The following ACACB variants were observed in gnomAD, a reference collection of about 807,000 sequenced individuals.
ACACB encodes the protein acetyl-CoA carboxylase beta.
In ACACB, 209 loss-of-function variants were observed where a neutral mutation model predicts 278.8. The observed-to-expected ratio is 0.75, with a 90% CI of 0.67 to 0.84. ACACB has a LOEUF of 0.84. ACACB is among the 40% of genes least tolerant of loss of function. The pLI is 0.00. For missense variants in ACACB, 2,850 were observed against 3,269.0 expected, an observed-to-expected ratio of 0.87 and a Z score of 3.13; for synonymous variants, 1,174 against 1,285.6, an observed-to-expected ratio of 0.91 and a Z score of 1.86.
rs2043909299 is a variant in ACACB at position 109,166,662 on chromosome 12, A to AAAAAAC, written c.654-194_654-193insCAAAAA. Reference sequence around the variant, plus strand: ...GAGATCCCGTCTCAAAAAAAAAAAAAAAAAAAAAAAAAAAACCGAAGGTGC... The same window carrying AAAAAAC: ...GAGATCCCGTCTCAAAAAAAAAAAAAAAAAACAAAAAAAAAAAAAAACCGAAGGTGC... On this transcript the variant is annotated intron_variant, in intron 2 of 52. Coordinates refer to ENST00000338432, the MANE Select transcript of ACACB (RefSeq NM_001093.4). Among the ~76,000 whole-genome samples the AAAAAAC allele has an allele frequency of 2.1e-5, 3 of 142,858 alleles. 1 individual carries two copies. The highest frequency in any genetic ancestry group is 4.6e-5 in the Non-Finnish European group (3 of 65,352). 93.7% of individuals were successfully genotyped at this position (142,858 alleles called of 152,430 possible).
chr12:109,223,827 T>A lies in ACACB; in HGVS notation c.3805T>A (p.Ser1269Thr), dbSNP rs771075563. ...CPENLKKLIL[S>T]ETTIFDVLPT... is the part of the protein sequence containing the mutation. ...TCATTTCCCTTAGAAATTAATACTT[T>A]CGGAAACAACCATCTTCGACGTCCT... The change falls in exon 27 of 53, where the codon TCG becomes ACG. Residue 1269 changes from serine (S) to threonine (T), a missense_variant. By Grantham distance (58) the Ser-to-Thr change is moderately conservative. Around this residue, in one of 3 missense-constraint regions of ACACB, gnomAD observed 2,265 missense variants for 2,561.3 expected, o/e 0.88. Transcript: ENST00000338432. The A allele has an allele frequency of 3.1e-6, 5 of 1,613,708 alleles. No homozygotes were observed.
chr12:109,242,404 C>G, intron 36 of ACACB, 33 bp from the exon 37 acceptor site: 2 of 1,604,852 alleles, frequency 1.2e-6, no homozygotes, highest in Non-Finnish European at 8.5e-7. Flanking sequence ...GTGATTCTCT[C>G]TCACTCTCTG....
intron 2 of ACACB, among the ~76,000 whole-genome samples, chr12:109,155,366 G>GC (rs1420257294): frequency 2.0e-5 from 3 of 152,206 alleles, no homozygotes; most frequent in African/African-American, 7.2e-5. Context: ...GAGCAGATGA[G>GC]CGTAGGCATC....
chr12:109,203,251 C>T (rs1377726252), intron 19 of ACACB, among the ~76,000 whole-genome samples: 1 of 152,150 alleles, frequency 6.6e-6, no homozygotes, highest in African/African-American at 2.4e-5. Flanking sequence ...TTTGTTTATC[C>T]ACCCATCCAC....
In ACACB at chr12:109,227,504, A is replaced by G. The variant is rs374029544; in HGVS notation, c.4001+15A>G. On this transcript the variant is annotated intron_variant, in intron 28 of 52. Transcript: ENST00000338432. Reference sequence around the variant, plus strand: ...CACCCAAACCGGTATGGAGTGGGACACACCCAGGGACGGCCTGTGTTTCTG... The same window carrying G: ...CACCCAAACCGGTATGGAGTGGGACGCACCCAGGGACGGCCTGTGTTTCTG... 2.5e-6 allele frequency: 4 copies of G among 1,605,304 alleles called. No individual in the cohort carries two copies. Among genetic ancestry groups the G allele is most frequent in the Non-Finnish European group, 3.4e-6 (4 of 1,172,434 alleles).
intron 2 of ACACB, among the ~76,000 whole-genome samples, chr12:109,161,268 T>C (rs749050981): frequency 1.3e-4 from 20 of 152,194 alleles, no homozygotes; most frequent in Middle Eastern, 6.8e-3. Flanking sequence ...AGGAGTCCAG[T>C]TGTGGGGTCT....
intron 47 of ACACB, 50 bp from the exon 48 acceptor site, chr12:109,260,430 A>G: frequency 6.2e-7 from 1 of 1,609,532 alleles, no homozygotes; most frequent in Non-Finnish European, 8.5e-7. Context: ...AGTGGGTTTC[A>G]TGTGTGGATG....
intron 45 of ACACB, among the ~76,000 whole-genome samples, chr12:109,257,171 G>T (rs571582243): frequency 6.6e-6 from 1 of 152,132 alleles, no homozygotes; most frequent in African/African-American, 2.4e-5. Flanking sequence ...CTACTCGGGG[G>T]GCTGAAGCAG....
Position 109,126,030 on chromosome 12 carries a change from C to T in ACACB, c.-10+9326C>T, listed in dbSNP as rs377011449. On this transcript the variant is annotated intron_variant, in intron 1 of 52. Coordinates refer to ENST00000338432, the MANE Select transcript of ACACB (RefSeq NM_001093.4). ...TTCCTGCCTGTTTGCTCCATGTCTC[C>T]AGCAGCGTGTACCACACCTGGCAGG... 2.9e-3 allele frequency among the ~76,000 whole-genome samples: 440 copies of T among 152,264 alleles called. 3 individuals are homozygous for T. The highest frequency in any genetic ancestry group is 0.01 in the African/African-American group (419 of 41,548).
At chr12:109,264,454 T>C in intron 50 of ACACB, 68 bp downstream of exon 50, 2 of 1,438,358 alleles carry the variant, frequency 1.4e-6, no homozygotes, top group Non-Finnish European at 1.9e-6. Context: ...GGAGGACATT[T>C]GGGCTCGGGG....
intron 21 of ACACB, among the ~76,000 whole-genome samples, chr12:109,210,499 A>G (rs1275885067): frequency 6.7e-6 from 1 of 148,682 alleles, no homozygotes; most frequent in Non-Finnish European, 1.5e-5. Flanking sequence ...ATATACATGT[A>G]TGTGTATATA....
chr12:109,212,487 G>T (rs2045877090), intron 21 of ACACB, among the ~76,000 whole-genome samples: 1 of 152,158 alleles, frequency 6.6e-6, no homozygotes, highest in African/African-American at 2.4e-5. Flanking sequence ...TGGGGGTGAT[G>T]GGAGACAGCG....
chr12:109,198,099 T>C (rs2136316598), intron 17 of ACACB, among the ~76,000 whole-genome samples: 2 of 152,088 alleles, frequency 1.3e-5, no homozygotes, highest in Middle Eastern at 6.8e-3. Flanking sequence ...GGTTTTGCCA[T>C]GTTGCTCAGG....
intron 13 of ACACB, among the ~76,000 whole-genome samples, 172 bp downstream of exon 13, chr12:109,188,334 TTGCCTTCC>T (rs1184087696): frequency 2.1e-4 from 30 of 145,084 alleles, no homozygotes; most frequent in Middle Eastern, 6.9e-3. Context: ...TTCCCTTCCA[TTGCCTTCC>T]TGCCTTCCTT....
At chr12:109,161,888 C>G (rs562537135) in intron 2 of ACACB, among the ~76,000 whole-genome samples, 3 of 151,986 alleles carry the variant, frequency 2.0e-5, no homozygotes, top group East Asian at 3.9e-4. Context: ...GCTCTTAATA[C>G]TTTAGCATTT....
At chr12:109,165,493 C>T (rs1490042692) in intron 2 of ACACB, among the ~76,000 whole-genome samples, 1 of 151,932 alleles carries the variant, frequency 6.6e-6, no homozygotes, top group Non-Finnish European at 1.5e-5. Flanking sequence ...GTGGCCTGAT[C>T]AATTATCTTA....
At chr12:109,166,248 T>C (rs989243126) in intron 2 of ACACB, among the ~76,000 whole-genome samples, 1 of 152,204 alleles carries the variant, frequency 6.6e-6, no homozygotes, top group African/African-American at 2.4e-5. Context: ...ACCCTTGTTA[T>C]AAGTTTTTTA....
chr12:109,228,231 C>T lies in ACACB; in HGVS notation c.4001+742C>T, dbSNP rs144287400. ...GTGTGCACTGGTAATCCCAGGTACC[C>T]GGGAGGCTGAGGGAGAACTGCTCGA... is the stretch of plus-strand genomic sequence containing the variant. On this transcript the variant is annotated intron_variant, in intron 28 of 52. Transcript: ENST00000338432. Among the ~76,000 whole-genome samples the T allele has an allele frequency of 3.1e-3, 451 of 147,474 alleles. 1 individual carries two copies. The highest frequency in any genetic ancestry group is 0.011 in the African/African-American group (419 of 39,668).
In ACACB at chr12:109,166,874, G is replaced by A; in HGVS notation, c.667G>A (p.Gly223Arg). 2 of 1,613,942 alleles carry A rather than the reference G, an allele frequency of 1.2e-6. No individual in the cohort carries two copies. The highest frequency in any genetic ancestry group is 1.7e-6 in the Non-Finnish European group (2 of 1,179,992). ...RVPTMRPSMSGLHLVKRGREH... is the reference protein window; with the variant it reads ...RVPTMRPSMSRLHLVKRGREH... ...CTTATTCTGCAGGCCGAGCATGTCG[G>A]GACTCCACCTGGTGAAGAGGGGACG... The change falls in exon 3 of 53, where the codon GGA (glycine) becomes AGA (arginine). Residue 223 changes from glycine to arginine, a missense_variant. Gly to Arg is a moderately radical substitution (Grantham distance 125). This residue lies in a region of ACACB where 2,265 missense variants were observed against 2,561.3 expected (regional missense o/e 0.88). Transcript: ENST00000338432.
Sources: gnomAD v4.1 joint callset for allele counts (sites outside exome capture counted in the v4.1 genomes callset) on GRCh38, gnomAD v4.1.1 for gene constraint, gnomAD v4.1.1 regional missense constraint, MANE v1.5 for transcripts, NCBI Gene and HGNC (gene_info 2026-07-23, HGNC 2026-07-21) for gene names.